The following SFTPD variants were observed in gnomAD, a reference collection of about 807,000 sequenced individuals.
The protein encoded by SFTPD is surfactant protein D.
In SFTPD, 18 loss-of-function variants were observed where a neutral mutation model predicts 34.6. The ratio of observed to expected loss-of-function variants is 0.52; its 90% CI spans 0.36 to 0.77. SFTPD has a LOEUF of 0.77. SFTPD is among the 30% of genes least tolerant of loss of function. The pLI is 0.00. For missense variants in SFTPD, 433 were observed against 468.9 expected (o/e 0.92, Z 0.71); for synonymous variants, 155 against 180.9 (o/e 0.86, Z 1.15).
chr10:79,940,922 C>T, intron 6 of SFTPD, 134 bp from the exon 7 acceptor site: 1 of 620,990 alleles, frequency 1.6e-6, no homozygotes, highest in South Asian at 1.8e-5. Flanking sequence ...CCCACATCTA[C>T]TGACACAGCT....
At chr10:79,946,970 T>G (rs1393610953) in intron 1 of SFTPD, among the ~76,000 whole-genome samples, 1 of 152,196 alleles carries the variant, frequency 6.6e-6, no homozygotes, top group South Asian at 2.1e-4. Flanking sequence ...GTGGCTAGGA[T>G]GTAGCATTCC....
intron 1 of SFTPD, among the ~76,000 whole-genome samples, chr10:79,957,322 A>G (rs1287750606): frequency 6.6e-6 from 1 of 152,252 alleles, no homozygotes; most frequent in Non-Finnish European, 1.5e-5. Flanking sequence ...ATGAGCTGAG[A>G]TAAGAAGGCT....
chr10:79,946,449 G>T lies in SFTPD; in HGVS notation c.199+12C>A, dbSNP rs1239117635. ...TCCTCCCCAGCAGGATAAGCCCAGGGCCCCACCCTACCTGGGTCCCCCTTC... is the reference window on the plus strand; with the variant it reads ...TCCTCCCCAGCAGGATAAGCCCAGGTCCCCACCCTACCTGGGTCCCCCTTC... On this transcript the variant is annotated intron_variant, in intron 2 of 7. Transcript: ENST00000372292. The T allele has an allele frequency of 1.9e-6, 3 of 1,605,938 alleles. No individual in the cohort carries two copies. Among genetic ancestry groups the T allele is most frequent in the African/African-American group, 2.7e-5 (2 of 74,898 alleles).
intron 1 of SFTPD, among the ~76,000 whole-genome samples, chr10:79,965,020 G>C (rs1259396243): frequency 5.9e-5 from 9 of 152,080 alleles, no homozygotes; most frequent in Non-Finnish European, 1.3e-4. Context: ...CAGGCTTTTG[G>C]TATTCAGTGG....
rs2132489349 is a variant in SFTPD, at chr10:79,938,127, C to G, written c.853G>C (p.Gly285Arg). Reference protein sequence around the residue: ...TEAQLLCTQAGGQLASPRSAA... With the variant: ...TEAQLLCTQARGQLASPRSAA... ...GAGCGTGGAGAGGCCAACTGTCCACCAGCCTGTGTGCACAGCAGCTGTGCC... is the reference window on the plus strand; with the variant it reads ...GAGCGTGGAGAGGCCAACTGTCCACGAGCCTGTGTGCACAGCAGCTGTGCC... Residue 285 changes from glycine (G) to arginine (R), a missense_variant, in exon 8 of 8, where the codon GGT (glycine) becomes CGT (arginine). Coordinates refer to ENST00000372292, the MANE Select transcript of SFTPD (RefSeq NM_003019.5). 3.7e-6 allele frequency: 6 copies of G among 1,614,082 alleles called. No homozygotes were observed. The East Asian group carries it at 1.1e-4, about 30-fold the overall frequency.
chr10:79,956,365 C>CAAG (rs1485592525), intron 1 of SFTPD, among the ~76,000 whole-genome samples: 1 of 152,250 alleles, frequency 6.6e-6, no homozygotes, highest in African/African-American at 2.4e-5. Flanking sequence ...TTCCCTCACT[C>CAAG]AAGAGCACAA....
chr10:79,952,403 C>G (rs1387745952), upstream of SFTPD, among the ~76,000 whole-genome samples: 1 of 152,160 alleles, frequency 6.6e-6, no homozygotes, highest in Non-Finnish European at 1.5e-5. Context: ...TCCCAGGCAC[C>G]AGTGTCACCT....
intron 1 of SFTPD, among the ~76,000 whole-genome samples, chr10:79,956,945 A>T (rs1842743493): frequency 6.6e-6 from 1 of 152,094 alleles, no homozygotes; most frequent in South Asian, 2.1e-4. Flanking sequence ...TACTCCTCTG[A>T]GACAAAACTT....
At chr10:79,961,309 A>C (rs1241572056) in intron 1 of SFTPD, among the ~76,000 whole-genome samples, 1 of 152,198 alleles carries the variant, frequency 6.6e-6, no homozygotes. Flanking sequence ...ATCTAATTAA[A>C]CTAAAGAGCT....
At chr10:79,982,234 A>G in intron 1 of SFTPD, 1 of 758,850 alleles carries the variant, frequency 1.3e-6, no homozygotes, top group Non-Finnish European at 1.8e-6. Context: ...GTAGCAACGG[A>G]GGAGCCAATG....
intron 1 of SFTPD, among the ~76,000 whole-genome samples, chr10:79,964,084 C>G (rs1017640346): frequency 2.0e-5 from 3 of 152,142 alleles, no homozygotes; most frequent in Non-Finnish European, 4.4e-5. Flanking sequence ...GAGGCTACCA[C>G]TCTGCCCCCC....
At chr10:79,958,677 C>T (rs1053726220) in intron 1 of SFTPD, among the ~76,000 whole-genome samples, 1 of 151,958 alleles carries the variant, frequency 6.6e-6, no homozygotes, top group African/African-American at 2.4e-5. Flanking sequence ...AGACTTAGAC[C>T]CCCACACAAT....
At chr10:79,963,668 T>C (rs531761109) in intron 1 of SFTPD, among the ~76,000 whole-genome samples, 12 of 152,188 alleles carry the variant, frequency 7.9e-5, no homozygotes, top group Non-Finnish European at 1.6e-4. Context: ...ATAATCTCCT[T>C]TGTCCCTGTT....
chr10:79,942,846 G>T lies in SFTPD; in HGVS notation c.233C>A (p.Pro78His), dbSNP rs748585306. 92 of 1,613,874 alleles carry T rather than the reference G, an allele frequency of 5.7e-5. No homozygotes were observed. Among genetic ancestry groups the T allele is most frequent in the Admixed American group, 2.2e-4 (13 of 60,004 alleles). ...GGGCCCAACTGGGCCAGCTTGTCCA[G>T]GCATCCCTGCTTGCCCTGCAGCTCC... ...LPGAAGQAGMPGQAGPVGPKG... is the reference protein window; with the variant it reads ...LPGAAGQAGMHGQAGPVGPKG... The change falls in exon 3 of 8, where the codon CCT (proline) becomes CAT (histidine). Residue 78 changes from proline (P) to histidine (H), a missense_variant. Pro to His is a moderately conservative substitution (Grantham distance 77). Coordinates refer to ENST00000372292, the MANE Select transcript of SFTPD (RefSeq NM_003019.5).
intron 1 of SFTPD, among the ~76,000 whole-genome samples, chr10:79,977,571 T>C (rs1279250903): frequency 3.9e-5 from 6 of 152,240 alleles, no homozygotes; most frequent in East Asian, 1.9e-4. Context: ...CATTTACAAA[T>C]CAATCTGGCT....
In SFTPD at chr10:79,940,752, T is replaced by C; in HGVS notation, c.704A>G (p.Gln235Arg). ...AGCCTGGAGGTGCTGTACTTGTCCC[T>C]GTAAGGCCTCAACCTGCTGCCTCAG... ...ASLRQQVEAL[Q>R]GQVQHLQAAF... Residue 235 changes from glutamine to arginine, a missense_variant, in exon 7 of 8, where the codon CAG becomes CGG. By Grantham distance (43) the Gln-to-Arg change is conservative. Transcript: ENST00000372292. The C allele has an allele frequency of 6.2e-7, 1 of 1,612,414 alleles. No individual in the cohort carries two copies. Among genetic ancestry groups the C allele is most frequent in the Non-Finnish European group, 8.5e-7 (1 of 1,178,606 alleles).
intron 1 of SFTPD, among the ~76,000 whole-genome samples, chr10:79,947,106 GC>G (rs1564530640): frequency 1.3e-5 from 2 of 152,234 alleles, no homozygotes; most frequent in Non-Finnish European, 2.9e-5. Context: ...CTCAGACAAG[GC>G]AAGCCTGTTT....
chr10:79,943,308 A>G (rs1842634601), intron 2 of SFTPD, among the ~76,000 whole-genome samples: 1 of 152,176 alleles, frequency 6.6e-6, no homozygotes, highest in South Asian at 2.1e-4. Flanking sequence ...TTGTTCACTA[A>G]GAGCCATCTA....
chr10:79,980,225 C>G (rs540332788), intron 1 of SFTPD, among the ~76,000 whole-genome samples: 13 of 152,050 alleles, frequency 8.5e-5, no homozygotes, highest in African/African-American at 3.1e-4. Context: ...GGAGGGACTC[C>G]TGCTTGAGGA....
Sources: allele counts gnomAD v4.1 joint callset (sites outside exome capture counted in the v4.1 genomes callset), GRCh38; gene constraint gnomAD v4.1.1; transcripts MANE v1.5; gene names NCBI Gene and HGNC (gene_info 2026-07-23, HGNC 2026-07-21).